STAG1: variants seen among roughly 807,000 people sequenced by gnomAD.
STAG1 encodes the protein STAG1 cohesin complex component.
STAG1 carries 26 observed loss-of-function variants against 170.9 expected under a neutral mutation model. The observed-to-expected ratio is 0.15, with a 90% CI of 0.11 to 0.21. The LOEUF (loss-of-function observed/expected upper bound fraction) is 0.21. Ranked by LOEUF, STAG1 falls within the 10% of genes least tolerant of loss-of-function variation. The pLI is 1.00. For synonymous variants in STAG1, 514 were observed against 497.7 expected, an observed-to-expected ratio of 1.03 and a Z score of -0.44; for missense variants, 964 against 1,509.5, an observed-to-expected ratio of 0.64 and a Z score of 5.99.
intron 13 of STAG1, among the ~76,000 whole-genome samples, chr3:136,461,975 C>A (rs1038540704): frequency 6.6e-6 from 1 of 151,928 alleles, no homozygotes; most frequent in African/African-American, 2.4e-5. Context: ...AAAGAAAGTG[C>A]AAATAAGAAA....
At chr3:136,438,272 C>T (rs1462272256) in intron 15 of STAG1, among the ~76,000 whole-genome samples, 1 of 141,086 alleles carries the variant, frequency 7.1e-6, no homozygotes, top group African/African-American at 2.6e-5. Context: ...TGGAGTCTCG[C>T]TCTATTGCCC....
intron 29 of STAG1, among the ~76,000 whole-genome samples, chr3:136,346,629 A>G (rs1560047709): frequency 6.6e-6 from 1 of 152,246 alleles, no homozygotes; most frequent in Non-Finnish European, 1.5e-5. Context: ...AAAAATTTAG[A>G]TAACAGTGTT....
At chr3:136,519,215 C>T (rs1934537547) in intron 7 of STAG1, among the ~76,000 whole-genome samples, 1 of 152,004 alleles carries the variant, frequency 6.6e-6, no homozygotes, top group Non-Finnish European at 1.5e-5. Context: ...TATAGCACTC[C>T]TCTTATGTTC....
chr3:136,370,186 T>C (rs972237592), intron 23 of STAG1, among the ~76,000 whole-genome samples: 14 of 152,050 alleles, frequency 9.2e-5, no homozygotes, highest in African/African-American at 3.4e-4. Flanking sequence ...AGGCAGGTCC[T>C]TCAGGAGGTA....
intron 5 of STAG1, among the ~76,000 whole-genome samples, 189 bp downstream of exon 5, chr3:136,568,576 G>A (rs1937160966): frequency 6.6e-6 from 1 of 152,010 alleles, no homozygotes. Context: ...CTTTATAGGA[G>A]CAAAACTGAA....
chr3:136,480,936 T>C (rs2089888958), intron 9 of STAG1, among the ~76,000 whole-genome samples: 1 of 145,674 alleles, frequency 6.9e-6, no homozygotes, highest in Non-Finnish European at 1.5e-5. Flanking sequence ...TTTTGTATCC[T>C]GAGACTTTGC....
intron 1 of STAG1, among the ~76,000 whole-genome samples, chr3:136,680,393 G>C (rs910260655): frequency 3.3e-5 from 5 of 152,010 alleles, no homozygotes; most frequent in African/African-American, 7.2e-5. Flanking sequence ...TTCACATAAA[G>C]GCCTATATAA....
At chr3:136,643,994 A>G (rs958747142) in intron 1 of STAG1, among the ~76,000 whole-genome samples, 8 of 152,210 alleles carry the variant, frequency 5.3e-5, no homozygotes, top group African/African-American at 1.9e-4. Flanking sequence ...TTTTAATATT[A>G]CACCCATTTC....
intron 21 of STAG1, among the ~76,000 whole-genome samples, chr3:136,409,856 T>C (rs2087577191): frequency 6.6e-6 from 1 of 151,996 alleles, no homozygotes. Flanking sequence ...GGTGGGAGGA[T>C]CCCATTTGAG....
intron 1 of STAG1, among the ~76,000 whole-genome samples, chr3:136,691,430 C>CAA (rs529191103): frequency 7.5e-6 from 1 of 132,724 alleles, no homozygotes; most frequent in South Asian, 2.4e-4. Context: ...GCGAGACTCT[C>CAA]AAAAAAAAAA....
intron 6 of STAG1, among the ~76,000 whole-genome samples, chr3:136,537,699 T>C (rs113534855): frequency 6.6e-6 from 1 of 152,068 alleles, no homozygotes; most frequent in Non-Finnish European, 1.5e-5. Flanking sequence ...TTTCACCATG[T>C]TGGCCAGGCT....
At chr3:136,568,692 T>C (rs1937163773) in intron 5 of STAG1, 73 bp downstream of exon 5, 2 of 944,936 alleles carry the variant, frequency 2.1e-6, no homozygotes, top group African/African-American at 1.6e-5. Context: ...ATACGACTAG[T>C]GGCAGGTGAA....
chr3:136,690,862 T>C (rs900732497), intron 1 of STAG1, among the ~76,000 whole-genome samples: 6 of 151,450 alleles, frequency 4.0e-5, no homozygotes, highest in Non-Finnish European at 8.8e-5. Flanking sequence ...TGGATTTGAC[T>C]AGTAGGGCAG....
intron 5 of STAG1, among the ~76,000 whole-genome samples, chr3:136,551,696 T>C (rs1212057063): frequency 6.6e-6 from 1 of 151,734 alleles, no homozygotes; most frequent in Non-Finnish European, 1.5e-5. Context: ...CACTGCAGCC[T>C]CAACCTCTTG....
At chr3:136,589,468 C>T (rs1423652516) in intron 4 of STAG1, among the ~76,000 whole-genome samples, 1 of 151,946 alleles carries the variant, frequency 6.6e-6, no homozygotes, top group Non-Finnish European at 1.5e-5. Flanking sequence ...TGTGCCACTG[C>T]ACTCCAGCCT....
rs1425967031 is a variant in STAG1 at position 136,571,555 on chromosome 3, C to T, written c.298-2694G>A. ...CTGCACACCAGTCTGAGTGACAGGG[C>T]GAGACCCTGTCAAAATACAAACAAA... On this transcript the variant is annotated intron_variant, in intron 4 of 33. Coordinates refer to ENST00000383202, the MANE Select transcript of STAG1 (RefSeq NM_005862.3). Among the ~76,000 whole-genome samples the T allele has an allele frequency of 2.0e-5, 3 of 151,868 alleles. No individual in the cohort carries two copies. The East Asian group carries it at 5.8e-4, about 29-fold the overall frequency.
intron 12 of STAG1, among the ~76,000 whole-genome samples, chr3:136,466,516 T>C (rs1423897096): frequency 1.3e-5 from 2 of 152,198 alleles, no homozygotes; most frequent in African/African-American, 4.8e-5. Flanking sequence ...AAAGACCAAA[T>C]CTACGTCGGA....
chr3:136,495,094 G>A (rs1426553108), intron 9 of STAG1, among the ~76,000 whole-genome samples: 1 of 152,180 alleles, frequency 6.6e-6, no homozygotes, highest in Non-Finnish European at 1.5e-5. Context: ...CTCAATGCAG[G>A]TGGTATCAGT....
intron 5 of STAG1, among the ~76,000 whole-genome samples, chr3:136,568,396 G>GATA (rs536062545): frequency 3.3e-4 from 50 of 151,978 alleles, no homozygotes; most frequent in Non-Finnish European, 6.0e-4. Flanking sequence ...TACTGGCAGG[G>GATA]ATATAAAAGA....
Sources: allele counts gnomAD v4.1 joint callset (sites outside exome capture counted in the v4.1 genomes callset), GRCh38; gene constraint gnomAD v4.1.1; transcripts MANE v1.5; gene names NCBI Gene and HGNC (gene_info 2026-07-23, HGNC 2026-07-21).